Variants in DLGAP1 observed in about 807,000 individuals in gnomAD.
DLGAP1 encodes the protein DLG associated protein 1, also known as disks large-associated protein 1.
A neutral mutation model predicts 90.8 loss-of-function variants in DLGAP1; 11 were observed. The observed-to-expected ratio is 0.12, with a 90% confidence interval of 0.08 to 0.20. The LOEUF (loss-of-function observed/expected upper bound fraction) is 0.20, where lower values mean the gene tolerates loss of function less well. DLGAP1 is among the 10% of genes least tolerant of loss of function. DLGAP1 has a pLI of 1.00. For missense variants in DLGAP1, 1,050 were observed against 1,333.8 expected (o/e 0.79, Z 3.31); for synonymous variants, 558 against 540.7 (o/e 1.03, Z -0.44).
At chr18:3,991,866 A>G (rs1307797803) in intron 3 of DLGAP1, among the ~76,000 whole-genome samples, 1 of 152,172 alleles carries the variant, frequency 6.6e-6, no homozygotes, top group Non-Finnish European at 1.5e-5. Context: ...TTTTTTGTGT[A>G]TATCTTGCCT....
At position 4,399,259 on chromosome 18, in the gene DLGAP1, G is replaced by A. The variant is rs375932141; in HGVS notation, c.-267+55747C>T. Among the ~76,000 whole-genome samples, 4 of 152,270 alleles carry A rather than the reference G, an allele frequency of 2.6e-5. No homozygotes were observed. In the East Asian group the frequency reaches 5.8e-4, roughly 22 times the overall value. ...GTTTAAAAAACTATTGACACCAAGT[G>A]GAATTATCTTTTTTTACACTGGAAA... On this transcript the variant is annotated intron_variant, in intron 1 of 12. Coordinates refer to ENST00000315677, the MANE Select transcript of DLGAP1 (RefSeq NM_004746.4).
intron 1 of DLGAP1, among the ~76,000 whole-genome samples, chr18:4,163,871 C>G (rs1308555311): frequency 6.6e-6 from 1 of 152,056 alleles, no homozygotes; most frequent in Non-Finnish European, 1.5e-5. Flanking sequence ...TTCAAATTTC[C>G]CTTCATTAAA....
At chr18:4,390,643 TTC>T (rs1161836022) in intron 1 of DLGAP1, among the ~76,000 whole-genome samples, 1 of 152,184 alleles carries the variant, frequency 6.6e-6, no homozygotes, top group Admixed American at 6.5e-5. Context: ...TCAGATTATT[TTC>T]TTTCACTTAG....
chr18:4,214,350 A>C (rs1017192686), intron 1 of DLGAP1, among the ~76,000 whole-genome samples: 1 of 151,982 alleles, frequency 6.6e-6, no homozygotes, highest in African/African-American at 2.4e-5. Context: ...TTCAGTATAA[A>C]ACCCTGCGTT....
chr18:3,899,413 C>A (rs540333888), intron 3 of DLGAP1, among the ~76,000 whole-genome samples: 1 of 152,294 alleles, frequency 6.6e-6, no homozygotes, highest in South Asian at 2.1e-4. Context: ...TGCCTGTGGC[C>A]AGAATGAGTG....
At chr18:4,340,616 G>GAA (rs149360707) in intron 1 of DLGAP1, among the ~76,000 whole-genome samples, 1 of 147,216 alleles carries the variant, frequency 6.8e-6, no homozygotes, top group East Asian at 2.0e-4. Flanking sequence ...TTGTTATTAA[G>GAA]AAAAAAAAAA....
chr18:4,266,109 G>C (rs1433667741), intron 1 of DLGAP1, among the ~76,000 whole-genome samples: 3 of 152,102 alleles, frequency 2.0e-5, no homozygotes, highest in African/African-American at 7.2e-5. Flanking sequence ...ATACACAAAA[G>C]ATCATTTTGA....
intron 3 of DLGAP1, among the ~76,000 whole-genome samples, chr18:3,887,671 C>T (rs754086158): frequency 3.9e-5 from 6 of 152,080 alleles, no homozygotes; most frequent in Admixed American, 6.5e-5. Flanking sequence ...TTAATTTTCC[C>T]GTTTACTTAT....
At chr18:3,794,885 G>T (rs1349826237) in intron 5 of DLGAP1, among the ~76,000 whole-genome samples, 1 of 152,170 alleles carries the variant, frequency 6.6e-6, no homozygotes, top group Non-Finnish European at 1.5e-5. Context: ...CTCGCACCAC[G>T]CCTGACTTCT....
At chr18:4,384,764 T>C (rs1320538713) in intron 1 of DLGAP1, among the ~76,000 whole-genome samples, 1 of 151,966 alleles carries the variant, frequency 6.6e-6, no homozygotes, top group Non-Finnish European at 1.5e-5. Flanking sequence ...CTCAGAATAC[T>C]ATTCTATTGC....
intron 1 of DLGAP1, among the ~76,000 whole-genome samples, chr18:4,187,114 T>C (rs9967239): frequency 0.46 from 70,303 of 151,832 alleles, 18,100 homozygotes; most frequent in East Asian, 0.71. Flanking sequence ...CATCCTGAAA[T>C]TTTGCTGAAA....
intron 1 of DLGAP1, among the ~76,000 whole-genome samples, chr18:4,332,976 C>T (rs2080982834): frequency 6.6e-6 from 1 of 151,946 alleles, no homozygotes; most frequent in South Asian, 2.1e-4. Context: ...TCAGCAAGTT[C>T]TGGTAATCTA....
chr18:3,784,724 C>T (rs2065366665), intron 5 of DLGAP1, among the ~76,000 whole-genome samples: 1 of 152,172 alleles, frequency 6.6e-6, no homozygotes, highest in Admixed American at 6.5e-5. Context: ...GAGCGAGAGC[C>T]TTGGGGAAAA....
chr18:3,869,518 TGG>T, intron 4 of DLGAP1, among the ~76,000 whole-genome samples: 1 of 152,292 alleles, frequency 6.6e-6, no homozygotes, highest in South Asian at 2.1e-4. Flanking sequence ...ATCACACCAC[TGG>T]ACTCCAGCCT....
chr18:3,878,457 A>C (rs908589223), intron 4 of DLGAP1, among the ~76,000 whole-genome samples: 1 of 152,096 alleles, frequency 6.6e-6, no homozygotes, highest in African/African-American at 2.4e-5. Flanking sequence ...TTACTTCTCT[A>C]ATCCTTCCTC....
chr18:3,508,960 G>C (rs1481339268), intron 10 of DLGAP1, among the ~76,000 whole-genome samples: 4 of 150,694 alleles, frequency 2.7e-5, no homozygotes, highest in African/African-American at 9.7e-5. Context: ...ATGTTACCAA[G>C]AGAAGAGGCA....
chr18:4,267,810 C>T (rs2079163950), intron 1 of DLGAP1, among the ~76,000 whole-genome samples: 1 of 152,186 alleles, frequency 6.6e-6, no homozygotes, highest in South Asian at 2.1e-4. Context: ...GCTTCACTTC[C>T]TCACTGCGTA....
chr18:3,888,297 G>T (rs993996878), intron 3 of DLGAP1, among the ~76,000 whole-genome samples: 7 of 151,924 alleles, frequency 4.6e-5, no homozygotes, highest in Non-Finnish European at 1.0e-4. Flanking sequence ...ATTTTCATGC[G>T]TTGTGTGCTT....
chr18:4,049,488 C>T (rs751160990), intron 2 of DLGAP1, among the ~76,000 whole-genome samples: 1 of 152,118 alleles, frequency 6.6e-6, no homozygotes, highest in Non-Finnish European at 1.5e-5. Context: ...CAGCCTGCCA[C>T]CATATCCCTG....
Sources: gnomAD v4.1 joint callset for allele counts (sites outside exome capture counted in the v4.1 genomes callset) on GRCh38, gnomAD v4.1.1 for gene constraint, MANE v1.5 for transcripts, NCBI Gene and HGNC (gene_info 2026-07-23, HGNC 2026-07-21) for gene names.